The following CD226 variants were observed in gnomAD, a reference collection of about 807,000 sequenced individuals.
The protein encoded by CD226 is CD226 antigen.
CD226 carries 24 observed loss-of-function variants against 34.9 expected under a neutral mutation model. The ratio of observed to expected loss-of-function variants is 0.69; its 90% confidence interval spans 0.50 to 0.97. The LOEUF (loss-of-function observed/expected upper bound fraction) is 0.97. CD226 is among the 50% of genes least tolerant of loss of function. CD226 has a pLI of 0.00. For missense variants in CD226, 397 were observed against 412.7 expected, an observed-to-expected ratio of 0.96 and a Z score of 0.33; for synonymous variants, 148 against 147.4, an observed-to-expected ratio of 1.00 and a Z score of -0.03.
At chr18:69,949,838 T>G (rs574031042), upstream of CD226, among the ~76,000 whole-genome samples, 1,316 of 150,070 alleles carry the variant, frequency 8.8e-3, 23 homozygotes, top group African/African-American at 0.03. Context: ...CCACGCACAC[T>G]CACACTCATG....
chr18:69,942,912 G>A (rs1353838628), intron 2 of CD226, among the ~76,000 whole-genome samples: 6 of 152,034 alleles, frequency 3.9e-5, no homozygotes, highest in African/African-American at 9.7e-5. Flanking sequence ...CCCAGACCCC[G>A]GCCTCTCTAA....
intron 2 of CD226, among the ~76,000 whole-genome samples, chr18:69,899,721 CAAT>C (rs144902605): frequency 0.035 from 5,264 of 152,226 alleles, 130 homozygotes; most frequent in Non-Finnish European, 0.052. Context: ...ACCAAAATGA[CAAT>C]GAGACACCAT....
intron 3 of CD226, among the ~76,000 whole-genome samples, chr18:69,874,958 A>C (rs549784645): frequency 6.6e-6 from 1 of 151,980 alleles, no homozygotes; most frequent in Non-Finnish European, 1.5e-5. Context: ...TATGTACCAC[A>C]TTTTCTTTAT....
At chr18:69,871,464 T>C (rs932987285) in intron 4 of CD226, among the ~76,000 whole-genome samples, 3 of 152,242 alleles carry the variant, frequency 2.0e-5, no homozygotes, top group African/African-American at 7.2e-5. Context: ...AAACACAAAC[T>C]CTGCCATTAT....
At chr18:69,919,241 G>A (rs940447011) in intron 2 of CD226, among the ~76,000 whole-genome samples, 1 of 152,182 alleles carries the variant, frequency 6.6e-6, no homozygotes, top group Non-Finnish European at 1.5e-5. Flanking sequence ...AGAACTGGTT[G>A]TGGCCTCTCT....
intron 3 of CD226, 120 bp downstream of exon 3, chr18:69,895,581 T>TA (rs1985220633): frequency 5.3e-6 from 4 of 747,912 alleles, no homozygotes; most frequent in African/African-American, 3.5e-5. Flanking sequence ...TTCAGCCATT[T>TA]AAAAAAATGC....
chr18:69,869,597 C>A (rs1224239175), intron 4 of CD226, among the ~76,000 whole-genome samples: 1 of 152,096 alleles, frequency 6.6e-6, no homozygotes, highest in Admixed American at 6.5e-5. Flanking sequence ...ATACAACAAA[C>A]CCCATGACAC....
chr18:69,934,183 C>T (rs747441329), intron 2 of CD226, among the ~76,000 whole-genome samples: 22 of 151,744 alleles, frequency 1.4e-4, no homozygotes, highest in Non-Finnish European at 2.8e-4. Context: ...TAAATGTATC[C>T]TATTAGTGAA....
At chr18:69,876,430 AAT>A (rs1158749778) in intron 3 of CD226, among the ~76,000 whole-genome samples, 3 of 152,210 alleles carry the variant, frequency 2.0e-5, no homozygotes, top group Non-Finnish European at 4.4e-5. Context: ...TTTCATAGGA[AAT>A]ATGTTACCTA....
chr18:69,917,175 C>T (rs1401276371), intron 2 of CD226, among the ~76,000 whole-genome samples: 1 of 152,084 alleles, frequency 6.6e-6, no homozygotes, highest in African/African-American at 2.4e-5. Context: ...CCTATTAGTC[C>T]CTAGCTTAAA....
At chr18:69,941,666 C>T (rs907294102) in intron 2 of CD226, among the ~76,000 whole-genome samples, 7 of 152,170 alleles carry the variant, frequency 4.6e-5, no homozygotes, top group African/African-American at 1.7e-4. Context: ...AACTAACTTG[C>T]TTTTGATTTT....
At chr18:69,918,962 G>A (rs2055418150) in intron 2 of CD226, among the ~76,000 whole-genome samples, 2 of 152,198 alleles carry the variant, frequency 1.3e-5, no homozygotes, top group Admixed American at 1.3e-4. Flanking sequence ...ATACAGACAT[G>A]GGATGCAATC....
At chr18:69,869,018 G>T (rs919202953) in intron 4 of CD226, among the ~76,000 whole-genome samples, 1 of 152,196 alleles carries the variant, frequency 6.6e-6, no homozygotes, top group African/African-American at 2.4e-5. Context: ...ATGCTGGCAA[G>T]GTTGTGGAGG....
chr18:69,887,093 C>T, intron 3 of CD226, among the ~76,000 whole-genome samples: 1 of 152,094 alleles, frequency 6.6e-6, no homozygotes, highest in East Asian at 1.9e-4. Context: ...AAAACTGATA[C>T]CTTTATCTGC....
chr18:69,945,620 G>A (rs888802869), intron 2 of CD226, among the ~76,000 whole-genome samples: 4 of 152,128 alleles, frequency 2.6e-5, no homozygotes, highest in African/African-American at 7.2e-5. Context: ...CTGGGAGGCC[G>A]AGGCAGTTGG....
intron 2 of CD226, among the ~76,000 whole-genome samples, chr18:69,901,078 A>G (rs1380303186): frequency 6.6e-6 from 1 of 152,154 alleles, no homozygotes; most frequent in Non-Finnish European, 1.5e-5. Flanking sequence ...AACTTACAGA[A>G]CTGCAAAGAG....
At chr18:69,874,023 T>TCAGAAAAAAAAAATGTTACTCCAA (rs1983711453) in intron 3 of CD226, among the ~76,000 whole-genome samples, 1 of 149,224 alleles carries the variant, frequency 6.7e-6, no homozygotes, top group Non-Finnish European at 1.5e-5. Context: ...ATACAAAAAA[T>TCAGAAAAAAAAAATGTTACTCCAA]CAGAAAAAAA....
intron 2 of CD226, among the ~76,000 whole-genome samples, chr18:69,901,878 CAAA>C (rs372625212): frequency 1.2e-4 from 13 of 109,526 alleles, no homozygotes; most frequent in Non-Finnish European, 1.2e-4. Flanking sequence ...GACTCTGACT[CAAA>C]AAAAAAAAAA....
intron 2 of CD226, among the ~76,000 whole-genome samples, chr18:69,931,524 T>C (rs1051272408): frequency 2.0e-5 from 3 of 152,182 alleles, no homozygotes; most frequent in Admixed American, 6.5e-5. Context: ...CTAAGTGTAC[T>C]AATTCTGGGA....
Sources: allele counts gnomAD v4.1 joint callset (sites outside exome capture counted in the v4.1 genomes callset), GRCh38; gene constraint gnomAD v4.1.1; transcripts MANE v1.5; gene names NCBI Gene and HGNC (gene_info 2026-07-23, HGNC 2026-07-21).